Variants in IFT52 observed in about 807,000 individuals in gnomAD.
The protein encoded by IFT52 is intraflagellar transport protein 52 homolog.
In IFT52, 44 loss-of-function variants were observed where a neutral mutation model predicts 54.4. The observed-to-expected ratio is 0.81, with a 90% confidence interval of 0.63 to 1.04. The LOEUF (loss-of-function observed/expected upper bound fraction) is 1.04, where lower values mean the gene tolerates loss of function less well. Among genes scored for constraint, IFT52 ranks in the 50% least tolerant of loss-of-function variants. IFT52 has a pLI of 0.00. For missense variants in IFT52, 452 were observed against 523.6 expected (o/e 0.86, Z 1.33); for synonymous variants, 181 against 185.3 (o/e 0.98, Z 0.19).
rs1392975425 is a variant in IFT52 at position 43,613,156 on chromosome 20, T to A, written c.486-694T>A. Among the ~76,000 whole-genome samples the A allele has an allele frequency of 2.0e-5, 3 of 152,350 alleles. No homozygotes were observed. In the East Asian group the frequency reaches 5.8e-4, roughly 29 times the overall value. On this transcript the variant is annotated intron_variant, in intron 6 of 13. Coordinates refer to ENST00000373030, the MANE Select transcript of IFT52 (RefSeq NM_016004.5). ...TAGCGTATATTTATGCCTCTGTTCA[T>A]GTGACATTTAACTGGTAACATACCC... is the stretch of plus-strand genomic sequence containing the variant.
chr20:43,608,243 G>T (rs2145609192), intron 6 of IFT52, among the ~76,000 whole-genome samples: 1 of 152,258 alleles, frequency 6.6e-6, no homozygotes, highest in Non-Finnish European at 1.5e-5. Flanking sequence ...TGGGTCAGAG[G>T]TCTTCCAACA....
At chr20:43,605,329 C>A (rs1982777420) in intron 6 of IFT52, 1 of 780,342 alleles carries the variant, frequency 1.3e-6, no homozygotes. Context: ...GGTGGCCCAC[C>A]TGAGGTCAGG....
intron 2 of IFT52, among the ~76,000 whole-genome samples, chr20:43,596,160 G>A (rs528288064): frequency 1.2e-4 from 18 of 152,346 alleles, no homozygotes; most frequent in African/African-American, 4.3e-4. Flanking sequence ...TGGTAGGGCT[G>A]ATTGAATTAG....
chr20:43,594,127 G>T (rs533698868), intron 1 of IFT52, among the ~76,000 whole-genome samples: 1 of 152,100 alleles, frequency 6.6e-6, no homozygotes, highest in Non-Finnish European at 1.5e-5. Flanking sequence ...GACCAACATG[G>T]TGAAACCCCG....
chr20:43,641,793 T>C (rs1277326795), intron 12 of IFT52, among the ~76,000 whole-genome samples: 27 of 150,348 alleles, frequency 1.8e-4, no homozygotes, highest in Admixed American at 1.8e-3. Context: ...CACGCTCGGC[T>C]GTTTTGTTTT....
At chr20:43,616,255 C>T (rs1351458159) in intron 7 of IFT52, among the ~76,000 whole-genome samples, 1 of 151,960 alleles carries the variant, frequency 6.6e-6, no homozygotes, top group Non-Finnish European at 1.5e-5. Context: ...AACTGTAATC[C>T]CAGCACTTTG....
intron 10 of IFT52, among the ~76,000 whole-genome samples, chr20:43,630,698 A>C (rs1039130328): frequency 5.3e-5 from 8 of 152,206 alleles, no homozygotes; most frequent in Non-Finnish European, 1.0e-4. Flanking sequence ...GGCTTGAAAC[A>C]TGGAGTGGTG....
chr20:43,634,596 A>G (rs1275438567), intron 10 of IFT52, among the ~76,000 whole-genome samples: 1 of 152,114 alleles, frequency 6.6e-6, no homozygotes, highest in Admixed American at 6.5e-5. Context: ...TGCATATTCT[A>G]TTTAGAGAGT....
intron 10 of IFT52, among the ~76,000 whole-genome samples, chr20:43,629,468 T>TTC (rs1439588777): frequency 3.3e-5 from 5 of 152,164 alleles, no homozygotes; most frequent in Non-Finnish European, 4.4e-5. Context: ...GAGACAGGGT[T>TTC]TCACTGTGTT....
chr20:43,646,457 G>T (rs919629461), intron 13 of IFT52, among the ~76,000 whole-genome samples: 3 of 152,128 alleles, frequency 2.0e-5, no homozygotes, highest in East Asian at 1.9e-4. Flanking sequence ...AGATGATTGC[G>T]GTTCTTGCTG....
At position 43,637,201 on chromosome 20, in the gene IFT52, A is replaced by C. The variant is rs1985595756; in HGVS notation, c.1068A>C (p.Leu356Phe). 2 of 1,607,504 alleles carry C rather than the reference A, an allele frequency of 1.2e-6. No individual in the cohort carries two copies. The highest frequency in any genetic ancestry group is 1.7e-6 in the Non-Finnish European group (2 of 1,178,006). The change falls in exon 12 of 14, where the codon TTA (leucine) becomes TTC (phenylalanine). Residue 356 changes from leucine (L) to phenylalanine (F), a missense_variant. By Grantham distance (22) the Leu-to-Phe change is conservative. Coordinates refer to ENST00000373030, the MANE Select transcript of IFT52 (RefSeq NM_016004.5). ...LPPPPLELFDLDETFSSEKAR... is the reference protein window; with the variant it reads ...LPPPPLELFDFDETFSSEKAR... Reference sequence around the variant, plus strand: ...CTCCTCCTCTGGAGCTATTTGATTTAGATGAAACGTTCTCCTCTGAGAAGG... The same window carrying C: ...CTCCTCCTCTGGAGCTATTTGATTTCGATGAAACGTTCTCCTCTGAGAAGG...
At chr20:43,624,141 A>G in intron 10 of IFT52, 96 bp downstream of exon 10, 1 of 1,282,388 alleles carries the variant, frequency 7.8e-7, no homozygotes, top group Non-Finnish European at 1.1e-6. Context: ...GTCACAGTAA[A>G]TGTGGCATGC....
intron 9 of IFT52, among the ~76,000 whole-genome samples, chr20:43,623,454 T>C (rs1451773774): frequency 6.6e-6 from 1 of 152,178 alleles, no homozygotes; most frequent in Non-Finnish European, 1.5e-5. Context: ...CCCAAAGTGT[T>C]GTAGGTGTGA....
intron 12 of IFT52, among the ~76,000 whole-genome samples, chr20:43,638,513 A>G (rs1052446996): frequency 1.3e-5 from 2 of 152,130 alleles, no homozygotes; most frequent in Admixed American, 1.3e-4. Flanking sequence ...ATTTATTTTT[A>G]AAATACAATA....
intron 10 of IFT52, among the ~76,000 whole-genome samples, chr20:43,624,494 G>C (rs1984579873): frequency 6.6e-6 from 1 of 152,184 alleles, no homozygotes; most frequent in Non-Finnish European, 1.5e-5. Flanking sequence ...TCTCAGTCTA[G>C]TGCGGATGTG....
chr20:43,635,039 G>A (rs755888130), intron 10 of IFT52, among the ~76,000 whole-genome samples: 11 of 151,932 alleles, frequency 7.2e-5, no homozygotes, highest in African/African-American at 1.4e-4. Flanking sequence ...GTGGTGGCGC[G>A]TGCCTGTAAT....
chr20:43,639,539 G>A (rs144507090), intron 12 of IFT52, among the ~76,000 whole-genome samples: 4,526 of 152,258 alleles, frequency 0.03, 91 homozygotes, highest in Middle Eastern at 0.099. Context: ...GTGTGGTGGC[G>A]CATGCCTGTA....
At chr20:43,619,064 T>G in intron 8 of IFT52, 38 bp downstream of exon 8, 1 of 1,371,466 alleles carries the variant, frequency 7.3e-7, no homozygotes, top group Non-Finnish European at 1.0e-6. Flanking sequence ...ATACAATGTG[T>G]ATTATTTTCA....
chr20:43,594,829 T>G lies in IFT52; in HGVS notation c.119+12T>G. 1 of 1,303,752 alleles carries G rather than the reference T, an allele frequency of 7.7e-7. No homozygotes were observed. The highest frequency in any genetic ancestry group is 1.1e-6 in the Non-Finnish European group (1 of 897,686). 80.8% of individuals were successfully genotyped at this position (1,303,752 alleles called of 1,614,324 possible). A position where few individuals can be genotyped will look rare whatever the true frequency, so the allele number is the denominator to read the frequency against. On this transcript the variant is annotated intron_variant, in intron 2 of 13. Coordinates refer to ENST00000373030, the MANE Select transcript of IFT52 (RefSeq NM_016004.5). The stretch of plus-strand genomic sequence containing the variant: ...TGGAAGATTCAGAGGTGACTGACCA[T>G]GTATATTGTTTTCCCTTCTAAATGA...
Sources: allele counts gnomAD v4.1 joint callset (sites outside exome capture counted in the v4.1 genomes callset), GRCh38; gene constraint gnomAD v4.1.1; transcripts MANE v1.5; gene names NCBI Gene and HGNC (gene_info 2026-07-23, HGNC 2026-07-21).